The following HMGN5 variants were observed in gnomAD, a reference collection of about 807,000 sequenced individuals.
The protein encoded by HMGN5 is high mobility group nucleosome-binding domain-containing protein 5.
In HMGN5, 4 loss-of-function variants were observed where a neutral mutation model predicts 9.5. The observed-to-expected ratio is 0.42, with a 90% CI of 0.21 to 0.96. The LOEUF is 0.96. Among genes scored for constraint, HMGN5 ranks in the 40% least tolerant of loss-of-function variants. The pLI, the probability that HMGN5 is intolerant of heterozygous loss-of-function variation, is 0.30. For missense variants in HMGN5, 192 were observed against 187.5 expected (o/e 1.02, Z -0.14); for synonymous variants, 55 against 57.1 (o/e 0.96, Z 0.16).
At chrX:81,196,422 C>A (rs1053026900) in intron 1 of HMGN5, among the ~76,000 whole-genome samples, 8 of 110,318 alleles carry the variant, frequency 7.3e-5, no homozygotes, top group Non-Finnish European at 1.1e-4. Context: ...TCCTCATAAT[C>A]CCCACATGTC....
At chrX:81,121,719 A>G (rs1412693845) in intron 1 of HMGN5, 47 bp from the exon 2 acceptor site, 8 of 373,683 alleles carry the variant, frequency 2.1e-5, no homozygotes, top group Non-Finnish European at 3.8e-5. Context: ...TAAACACGCC[A>G]AGACGCAACC....
At chrX:81,174,417 C>T (rs1287620951) in intron 1 of HMGN5, among the ~76,000 whole-genome samples, 1 of 111,314 alleles carries the variant, frequency 9.0e-6, no homozygotes, top group Non-Finnish European at 1.9e-5. Flanking sequence ...ATGAAAGTCC[C>T]TTGACCCAGC....
At chrX:81,159,713 G>A (rs567733707) in intron 1 of HMGN5, among the ~76,000 whole-genome samples, 1 of 109,497 alleles carries the variant, frequency 9.1e-6, no homozygotes, top group South Asian at 4.0e-4. Context: ...TAGAGACAGT[G>A]TCTCACTATG....
At chrX:81,149,250 T>A (rs2075354196) in intron 1 of HMGN5, among the ~76,000 whole-genome samples, 1 of 111,007 alleles carries the variant, frequency 9.0e-6, no homozygotes, top group South Asian at 3.8e-4. Flanking sequence ...AATGGTAGAG[T>A]GGATTAAAAA....
At chrX:81,154,528 G>A (rs1200957255) in intron 1 of HMGN5, among the ~76,000 whole-genome samples, 1 of 110,964 alleles carries the variant, frequency 9.0e-6, no homozygotes, top group Admixed American at 9.7e-5. Context: ...ATCACATCAA[G>A]TTAAAAAGCT....
At chrX:81,146,054 G>A (rs1194323515) in intron 1 of HMGN5, among the ~76,000 whole-genome samples, 2 of 110,906 alleles carry the variant, frequency 1.8e-5, no homozygotes, top group African/African-American at 6.6e-5. Context: ...ATAGTAGTGA[G>A]AGACTTTAAC....
At chrX:81,138,087 C>T (rs944602560) in intron 1 of HMGN5, among the ~76,000 whole-genome samples, 1 of 111,386 alleles carries the variant, frequency 9.0e-6, no homozygotes, top group African/African-American at 3.3e-5. Context: ...ATAACATTTC[C>T]TAATTTTACA....
intron 1 of HMGN5, among the ~76,000 whole-genome samples, chrX:81,142,172 G>GA (rs762175192): frequency 3.9e-3 from 432 of 110,921 alleles, no homozygotes; most frequent in Admixed American, 0.011. Flanking sequence ...GGAGACAAAG[G>GA]AAAAAAAGAA....
chrX:81,167,846 G>T (rs948373651), intron 1 of HMGN5, among the ~76,000 whole-genome samples: 2 of 111,613 alleles, frequency 1.8e-5, no homozygotes, highest in Non-Finnish European at 3.8e-5. Flanking sequence ...TATTAAAAAA[G>T]AAAAGACCCT....
intron 1 of HMGN5, among the ~76,000 whole-genome samples, chrX:81,161,650 A>T (rs770835549): frequency 1.8e-5 from 2 of 110,861 alleles, no homozygotes; most frequent in Admixed American, 9.6e-5. Context: ...AAAAGCCTTC[A>T]GAGCCTTAAA....
intron 1 of HMGN5, among the ~76,000 whole-genome samples, chrX:81,190,749 A>G (rs907203313): frequency 4.5e-5 from 5 of 111,425 alleles, no homozygotes; most frequent in Admixed American, 1.9e-4. Flanking sequence ...TAATTATTGT[A>G]ACGGGTGTAA....
intron 1 of HMGN5, among the ~76,000 whole-genome samples, chrX:81,138,643 A>T (rs1257509581): frequency 9.0e-6 from 1 of 111,617 alleles, no homozygotes; most frequent in Non-Finnish European, 1.9e-5. Context: ...CAGCACAATA[A>T]GACAAGAAAA....
chrX:81,181,747 A>T (rs945314708), intron 1 of HMGN5, among the ~76,000 whole-genome samples: 2 of 111,974 alleles, frequency 1.8e-5, no homozygotes, highest in Non-Finnish European at 3.8e-5. Context: ...AATGACCTAC[A>T]GTGCCATCTA....
chrX:81,120,480 A>G (rs979812428), intron 2 of HMGN5, among the ~76,000 whole-genome samples: 1 of 111,347 alleles, frequency 9.0e-6, no homozygotes, highest in Non-Finnish European at 1.9e-5. Flanking sequence ...GTGATTAGAA[A>G]CAGTTGTTTT....
At chrX:81,142,709 A>T (rs2075333041) in intron 1 of HMGN5, among the ~76,000 whole-genome samples, 1 of 112,219 alleles carries the variant, frequency 8.9e-6, no homozygotes, top group Non-Finnish European at 1.9e-5. Context: ...GACATGTCCC[A>T]CAAGAAATGC....
intron 1 of HMGN5, among the ~76,000 whole-genome samples, chrX:81,193,409 C>A (rs2075499480): frequency 8.9e-6 from 1 of 112,299 alleles, no homozygotes; most frequent in African/African-American, 3.2e-5. Flanking sequence ...TAGCCTGCAG[C>A]CATCAAGTGA....
Position 81,168,763 on chromosome X carries a change from A to C in HMGN5, c.-124+32974T>G, listed in dbSNP as rs762765843. Among the ~76,000 whole-genome samples, 3 of 111,999 alleles carry C rather than the reference A, an allele frequency of 2.7e-5. No individual in the cohort carries two copies. In the South Asian group the frequency reaches 1.1e-3, roughly 42 times the overall value. ...GCAGGAAATAGGATGGATCTAATAC[A>C]GCGGGTCTACAAGTAGGATTTATTA... is the stretch of plus-strand genomic sequence containing the variant. On this transcript the variant is annotated intron_variant, in intron 1 of 6. Transcript: ENST00000358130.
At chrX:81,177,908 A>G (rs192280123) in intron 1 of HMGN5, among the ~76,000 whole-genome samples, 3 of 112,055 alleles carry the variant, frequency 2.7e-5, no homozygotes, top group Admixed American at 1.9e-4. Context: ...CGATTAAGAA[A>G]CTCACTGAAA....
chrX:81,164,595 C>G (rs2075406172), intron 1 of HMGN5, among the ~76,000 whole-genome samples: 1 of 111,410 alleles, frequency 9.0e-6, no homozygotes, highest in Non-Finnish European at 1.9e-5. Flanking sequence ...CAATGTCTCT[C>G]TAATTTCTTG....
Sources: allele counts gnomAD v4.1 joint callset (sites outside exome capture counted in the v4.1 genomes callset), GRCh38; gene constraint gnomAD v4.1.1; transcripts MANE v1.5; gene names NCBI Gene and HGNC (gene_info 2026-07-23, HGNC 2026-07-21).